The following CDH22 variants were observed in gnomAD, a reference collection of about 807,000 sequenced individuals.
The protein encoded by CDH22 is cadherin 22, also known as cadherin-22.
CDH22 carries 30 observed loss-of-function variants against 58.4 expected under a neutral mutation model. The ratio of observed to expected loss-of-function variants is 0.51; its 90% CI spans 0.38 to 0.70. CDH22 has a LOEUF of 0.70. Ranked by LOEUF, CDH22 falls within the 30% of genes least tolerant of loss-of-function variation. The pLI is 0.00. For synonymous variants in CDH22, 513 were observed against 558.2 expected, an observed-to-expected ratio of 0.92 and a Z score of 1.14; for missense variants, 1,014 against 1,233.9, an observed-to-expected ratio of 0.82 and a Z score of 2.67.
rs115767435 is a variant in CDH22, at chr20:46,231,754, G to A, written c.551-4127C>T. ...GACACTCTTCAGAGGAGATGCCCTC[G>A]CATCTCCATGGAGACTGGGTGGGCT... On this transcript the variant is annotated intron_variant, in intron 3 of 11. Transcript: ENST00000537909. Among the ~76,000 whole-genome samples, 712 of 152,260 alleles carry A rather than the reference G, an allele frequency of 4.7e-3. 2 individuals carry two copies. Among genetic ancestry groups the A allele is most frequent in the African/African-American group, 0.016 (684 of 41,540 alleles).
At chr20:46,294,588 T>A (rs907426101) in intron 1 of CDH22, among the ~76,000 whole-genome samples, 1 of 152,210 alleles carries the variant, frequency 6.6e-6, no homozygotes, top group Non-Finnish European at 1.5e-5. Flanking sequence ...GGGAAATGGC[T>A]GCTATGGCAA....
In CDH22 at chr20:46,174,961, G is replaced by C; in HGVS notation, c.2032C>G (p.Gln678Glu). The change falls in exon 12 of 12, where the codon CAG becomes GAG. Residue 678 changes from glutamine (Q) to glutamate (E), a missense_variant. Gln to Glu is a conservative substitution (Grantham distance 29). This residue lies in a region of CDH22 where 806 missense variants were observed against 1,038.7 expected (regional missense o/e 0.78). Transcript: ENST00000537909. The surrounding 1 kb of genome is among the most constrained non-coding windows in gnomAD (Gnocchi z 4.4). Reference sequence around the variant, plus strand: ...GACATGTCGTAGGCTTCGGTGTCCTGCTCGCCGCCGCCTTCGTCGTTGTAT... The same window carrying C: ...GACATGTCGTAGGCTTCGGTGTCCTCCTCGCCGCCGCCTTCGTCGTTGTAT... ...IKYNDEGGGEQDTEAYDMSAL... is the reference protein window; with the variant it reads ...IKYNDEGGGEEDTEAYDMSAL... 1 of 1,602,526 alleles carries C rather than the reference G, an allele frequency of 6.2e-7. No homozygotes were observed. Among genetic ancestry groups the C allele is most frequent in the Non-Finnish European group, 8.5e-7 (1 of 1,179,240 alleles).
intron 1 of CDH22, among the ~76,000 whole-genome samples, chr20:46,280,313 G>A (rs1047283354): frequency 6.6e-5 from 10 of 152,154 alleles, no homozygotes; most frequent in Non-Finnish European, 1.5e-4. Flanking sequence ...CCAGCTACTC[G>A]GGAGGCTGAG....
intron 1 of CDH22, among the ~76,000 whole-genome samples, chr20:46,305,558 G>T (rs1381016064): frequency 1.3e-5 from 2 of 152,134 alleles, no homozygotes; most frequent in African/African-American, 4.8e-5. Context: ...CCACCGTAGG[G>T]TCTTCTATTC....
intron 2 of CDH22, among the ~76,000 whole-genome samples, chr20:46,243,057 TC>T (rs556801027): frequency 6.6e-6 from 1 of 152,182 alleles, no homozygotes; most frequent in Non-Finnish European, 1.5e-5. Flanking sequence ...TTTGGGCAGG[TC>T]CCTGCTCCTC....
At chr20:46,230,550 A>T (rs2086213559) in intron 3 of CDH22, among the ~76,000 whole-genome samples, 1 of 152,198 alleles carries the variant, frequency 6.6e-6, no homozygotes, top group Non-Finnish European at 1.5e-5. Flanking sequence ...ATGAATTAAT[A>T]ATGAAATCCA....
chr20:46,194,981 C>T (rs1568654148), intron 8 of CDH22, among the ~76,000 whole-genome samples: 3 of 152,170 alleles, frequency 2.0e-5, no homozygotes, highest in South Asian at 4.1e-4. Context: ...CCGCCTGCCT[C>T]GGCCTCCCAA....
chr20:46,307,501 C>T (rs996883900), intron 1 of CDH22, among the ~76,000 whole-genome samples: 1 of 152,196 alleles, frequency 6.6e-6, no homozygotes, highest in Admixed American at 6.5e-5. Context: ...TCCTTCTTCC[C>T]CAGCGGGGAC....
chr20:46,276,720 C>T (rs1300113753), intron 1 of CDH22, among the ~76,000 whole-genome samples: 1 of 152,180 alleles, frequency 6.6e-6, no homozygotes, highest in Non-Finnish European at 1.5e-5. Flanking sequence ...GGGTGACTCA[C>T]AGGTTGCTGG....
In CDH22 at chr20:46,296,289, C is replaced by T. The variant is rs1417769771; in HGVS notation, c.-400+11966G>A. ...GGGGCATCTTCATTAATTTGGTACCCACTGTGAGGACACTATTTGCTCATT... is the reference window on the plus strand; with the variant it reads ...GGGGCATCTTCATTAATTTGGTACCTACTGTGAGGACACTATTTGCTCATT... On this transcript the variant is annotated intron_variant, in intron 1 of 11. Coordinates refer to ENST00000537909, the MANE Select transcript of CDH22 (RefSeq NM_021248.3). Among the ~76,000 whole-genome samples, 3 of 152,262 alleles carry T rather than the reference C, an allele frequency of 2.0e-5. No homozygotes were observed. In the East Asian group the frequency reaches 5.8e-4, roughly 29 times the overall value.
At chr20:46,211,541 G>A (rs529713640) in intron 6 of CDH22, among the ~76,000 whole-genome samples, 4 of 152,298 alleles carry the variant, frequency 2.6e-5, no homozygotes, top group South Asian at 2.1e-4. Flanking sequence ...AGCCATCACC[G>A]ACTCCGCAGA....
chr20:46,243,155 G>T (rs1392715469), intron 2 of CDH22, among the ~76,000 whole-genome samples: 4 of 152,168 alleles, frequency 2.6e-5, no homozygotes, highest in Admixed American at 2.6e-4. Context: ...AGCCCACTAG[G>T]CAGGAGAACA....
intron 3 of CDH22, among the ~76,000 whole-genome samples, chr20:46,232,310 C>T (rs921872797): frequency 1.3e-5 from 2 of 152,156 alleles, no homozygotes; most frequent in Non-Finnish European, 2.9e-5. Flanking sequence ...TACAGACATA[C>T]ATTCTCATTC....
At position 46,262,187 on chromosome 20, in the gene CDH22, G is replaced by A. The variant is rs372681911; in HGVS notation, c.-399-10494C>T. ...TGTAGTGTTGGGACAGAGGGTGTTT[G>A]CATCTCTGAGTGTATTTGTGTGTGT... On this transcript the variant is annotated intron_variant, in intron 1 of 11. Coordinates refer to ENST00000537909, the MANE Select transcript of CDH22 (RefSeq NM_021248.3). Among the ~76,000 whole-genome samples the A allele has an allele frequency of 6.6e-5, 10 of 151,426 alleles. 1 individual carries two copies. The highest frequency in any genetic ancestry group is 5.8e-4 in the East Asian group (3 of 5,146).
chr20:46,177,963 C>T lies in CDH22; in HGVS notation c.1898G>A (p.Cys633Tyr). ...GGACTCACCAACCAGGATGAGAACG[C>T]AGACCAAGAGGGCGATGAGGGCGCC... Reference protein sequence around the residue: ...SPGALIALLVCVLILVVLVLL... With the variant: ...SPGALIALLVYVLILVVLVLL... Residue 633 changes from cysteine (C) to tyrosine (Y), a missense_variant, in exon 11 of 12, where the codon TGC (cysteine) becomes TAC (tyrosine). Transcript: ENST00000537909. 1 of 1,613,850 alleles carries T rather than the reference C, an allele frequency of 6.2e-7. No individual in the cohort carries two copies. Among genetic ancestry groups the T allele is most frequent in the Non-Finnish European group, 8.5e-7 (1 of 1,179,948 alleles).
chr20:46,214,855 T>C (rs1022737841), intron 5 of CDH22, among the ~76,000 whole-genome samples: 2 of 152,246 alleles, frequency 1.3e-5, no homozygotes, highest in Non-Finnish European at 1.5e-5. Flanking sequence ...TTCTCTCTCT[T>C]GGGTATGAGC....
At chr20:46,259,015 G>A (rs982746053) in intron 1 of CDH22, among the ~76,000 whole-genome samples, 4 of 152,214 alleles carry the variant, frequency 2.6e-5, no homozygotes, top group East Asian at 1.9e-4. Flanking sequence ...GCCACACTAC[G>A]TGTACTTGAC....
intron 1 of CDH22, among the ~76,000 whole-genome samples, chr20:46,277,584 A>T (rs889270777): frequency 1.1e-4 from 17 of 152,014 alleles, no homozygotes; most frequent in Admixed American, 6.5e-4. Context: ...GTGAGTGAAA[A>T]GGGGTGGTCA....
In CDH22 at chr20:46,178,178, G is replaced by A; in HGVS notation, c.1683C>T (p.His561=). ...GCCGGTTGAAGCCCACGTGCTGCGT[G>A]TGCACTGCAGCGGTGTTGTCTGTTC... ...LDIQDNTAAV[H]TQHVGFNRQE... The change falls in exon 11 of 12, where the codon CAC becomes CAT. Residue 561 remains histidine, a synonymous_variant. Coordinates refer to ENST00000537909, the MANE Select transcript of CDH22 (RefSeq NM_021248.3). 1 of 1,613,768 alleles carries A rather than the reference G, an allele frequency of 6.2e-7. No homozygotes were observed. The highest frequency in any genetic ancestry group is 8.5e-7 in the Non-Finnish European group (1 of 1,179,852).
Sources: allele counts gnomAD v4.1 joint callset (sites outside exome capture counted in the v4.1 genomes callset), GRCh38; gene constraint gnomAD v4.1.1; regional missense constraint gnomAD v4.1.1; non-coding constraint Gnocchi (gnomAD v3.1); transcripts MANE v1.5; gene names NCBI Gene and HGNC (gene_info 2026-07-23, HGNC 2026-07-21).